NGLY1: variants seen among roughly 807,000 people sequenced by gnomAD.
NGLY1 encodes N-glycanase 1.
A neutral mutation model predicts 84.6 loss-of-function variants in NGLY1; 68 were observed. The observed-to-expected ratio is 0.80, with a 90% confidence interval of 0.66 to 0.98. NGLY1 has a LOEUF of 0.98. Among genes scored for constraint, NGLY1 ranks in the 50% least tolerant of loss-of-function variants. The pLI, the probability that NGLY1 is intolerant of heterozygous loss-of-function variation, is 0.00. For missense variants in NGLY1, 779 were observed against 770.2 expected (o/e 1.01, Z -0.14); for synonymous variants, 280 against 275.2 (o/e 1.02, Z -0.17).
chr3:25,723,568 T>C (rs1373384923), intron 10 of NGLY1, among the ~76,000 whole-genome samples: 1 of 73,688 alleles, frequency 1.4e-5, no homozygotes, highest in Non-Finnish European at 4.0e-5. Context: ...ATAAAAAACC[T>C]CCAACTCTGA....
chr3:25,742,326 A>G (rs1365487515), intron 4 of NGLY1, among the ~76,000 whole-genome samples: 1 of 152,214 alleles, frequency 6.6e-6, no homozygotes, highest in Admixed American at 6.5e-5. Flanking sequence ...ATGTCCATCA[A>G]TAGGGAATTG....
chr3:25,743,082 A>G (rs1283632144), intron 4 of NGLY1, among the ~76,000 whole-genome samples: 1 of 152,092 alleles, frequency 6.6e-6, no homozygotes, highest in Non-Finnish European at 1.5e-5. Flanking sequence ...TGCTGGCCTT[A>G]AGACCAGACT....
Position 25,764,178 on chromosome 3 carries a change from T to G in NGLY1, c.380A>C (p.Gln127Pro). 2 of 1,614,208 alleles carry G rather than the reference T, an allele frequency of 1.2e-6. No homozygotes were observed. Among genetic ancestry groups the G allele is most frequent in the Non-Finnish European group, 1.7e-6 (2 of 1,180,030 alleles). The change falls in exon 3 of 12, where the codon CAA becomes CCA. Residue 127 changes from glutamine to proline, a missense_variant. Coordinates refer to ENST00000280700, the MANE Select transcript of NGLY1 (RefSeq NM_018297.4). ...AGGAAGCTGGGTACTGGCTGCAGGT[T>G]GCTGAGATGACTTTACTTTGTGGCT... is the stretch of plus-strand genomic sequence containing the variant. ...NKSHKVKSSQ[Q>P]PAASTQLPTT...
chr3:25,775,993 T>C (rs1021893782), intron 2 of NGLY1, among the ~76,000 whole-genome samples: 10 of 152,238 alleles, frequency 6.6e-5, no homozygotes, highest in African/African-American at 2.4e-4. Flanking sequence ...ATTCATATAA[T>C]TATTCTTTAA....
chr3:25,770,431 G>A (rs1707836304), intron 2 of NGLY1, among the ~76,000 whole-genome samples: 1 of 152,180 alleles, frequency 6.6e-6, no homozygotes, highest in African/African-American at 2.4e-5. Context: ...TTACAGCCAT[G>A]AGCCACTACT....
At chr3:25,760,473 G>A (rs569211712) in intron 3 of NGLY1, among the ~76,000 whole-genome samples, 16 of 152,244 alleles carry the variant, frequency 1.1e-4, no homozygotes, top group African/African-American at 3.9e-4. Flanking sequence ...CCCTATCAGA[G>A]GGCATGCAAG....
intron 3 of NGLY1, chr3:25,755,187 G>A (rs548039750): frequency 3.0e-6 from 4 of 1,312,304 alleles, no homozygotes; most frequent in Non-Finnish European, 2.2e-6. Context: ...CTTCCCCCAA[G>A]AGGTTTCTTA....
chr3:25,722,272 CACAT>C (rs1396179811), intron 10 of NGLY1, among the ~76,000 whole-genome samples: 90 of 67,288 alleles, frequency 1.3e-3, no homozygotes, highest in African/African-American at 2.4e-3. Context: ...TCTGTATACA[CACAT>C]ATATATATAT....
At chr3:25,728,534 T>C (rs1402666196) in intron 10 of NGLY1, among the ~76,000 whole-genome samples, 1 of 152,156 alleles carries the variant, frequency 6.6e-6, no homozygotes, top group African/African-American at 2.4e-5. Flanking sequence ...AGCCTCTTAT[T>C]TGTTACTGAT....
chr3:25,778,209 T>A (rs1708244237), intron 2 of NGLY1: 1 of 154,908 alleles, frequency 6.5e-6, no homozygotes, highest in Non-Finnish European at 1.4e-5. Context: ...TACTTCAGAC[T>A]CTTTTCATTT....
chr3:25,790,012 G>T, exon 1 of NGLY1: 1 of 980,116 alleles, frequency 1.0e-6, no homozygotes, highest in Non-Finnish European at 1.6e-6. Context: ...CGGAAAGAGA[G>T]TCGAACGGGA....
intron 10 of NGLY1, among the ~76,000 whole-genome samples, chr3:25,726,667 A>C (rs1396647254): frequency 1.3e-5 from 2 of 152,216 alleles, no homozygotes; most frequent in African/African-American, 2.4e-5. Flanking sequence ...TTTGGAAAAG[A>C]CGTGGAGCTA....
intron 1 of NGLY1, 31 bp from the exon 2 acceptor site, chr3:25,778,719 A>T (rs570670366): frequency 7.6e-5 from 103 of 1,358,196 alleles, no homozygotes; most frequent in South Asian, 1.8e-4. Flanking sequence ...GATTATATAT[A>T]AAAAAAACCA....
chr3:25,733,466 C>CGTGTATGTGTGTGTGTGT (rs1491564606), intron 8 of NGLY1, among the ~76,000 whole-genome samples: 22 of 134,210 alleles, frequency 1.6e-4, no homozygotes, highest in African/African-American at 6.1e-4. Flanking sequence ...CTCACATGGA[C>CGTGTATGTGTGTGTGTGT]GTGTGTGTGT....
chr3:25,742,884 C>CAAAAAAAAA, intron 4 of NGLY1, among the ~76,000 whole-genome samples: 1 of 63,314 alleles, frequency 1.6e-5, no homozygotes, highest in Non-Finnish European at 2.8e-5. Context: ...CCTTATGTGG[C>CAAAAAAAAA]AAAAAAAAAA....
chr3:25,777,395 CAAAA>C (rs11332980), intron 2 of NGLY1, among the ~76,000 whole-genome samples: 1 of 87,474 alleles, frequency 1.1e-5, no homozygotes, highest in Non-Finnish European at 2.2e-5. Flanking sequence ...AACTCCATCT[CAAAA>C]AAAAAAAAAA....
chr3:25,754,537 A>C (rs1706931347), intron 3 of NGLY1, among the ~76,000 whole-genome samples: 1 of 152,144 alleles, frequency 6.6e-6, no homozygotes, highest in South Asian at 2.1e-4. Flanking sequence ...AAACGATCTG[A>C]TGTGTTTTCA....
At chr3:25,786,734 GA>G (rs969823857), upstream of NGLY1, among the ~76,000 whole-genome samples, 4 of 152,144 alleles carry the variant, frequency 2.6e-5, no homozygotes, top group Non-Finnish European at 5.9e-5. Flanking sequence ...AATTTCAGAT[GA>G]TTTTTTTAAA....
chr3:25,727,614 G>A (rs956844932), intron 10 of NGLY1, among the ~76,000 whole-genome samples: 3 of 152,084 alleles, frequency 2.0e-5, no homozygotes, highest in Non-Finnish European at 4.4e-5. Context: ...TTAAGATGGC[G>A]GTTTATGCTT....
Sources: allele counts gnomAD v4.1 joint callset (sites outside exome capture counted in the v4.1 genomes callset), GRCh38; gene constraint gnomAD v4.1.1; transcripts MANE v1.5; gene names NCBI Gene and HGNC (gene_info 2026-07-23, HGNC 2026-07-21).